HMGCLL1: variants seen among roughly 807,000 people sequenced by gnomAD.
HMGCLL1 encodes the protein 3-hydroxymethyl-3-methylglutaryl-CoA lyase, cytoplasmic.
In HMGCLL1, 36 loss-of-function variants were observed where a neutral mutation model predicts 39.1. The observed-to-expected ratio is 0.92, with a 90% CI of 0.71 to 1.22. The LOEUF is 1.22. Ranked by LOEUF, HMGCLL1 falls within the 50% of genes most tolerant of loss-of-function variation. The pLI is 0.00. For missense variants in HMGCLL1, 451 were observed against 416.5 expected, an observed-to-expected ratio of 1.08 and a Z score of -0.72; for synonymous variants, 149 against 144.0, an observed-to-expected ratio of 1.03 and a Z score of -0.25.
At chr6:55,660,581 T>A in the HMGCLL1 span, among the ~76,000 whole-genome samples, 9 of 152,106 alleles carry the variant, frequency 5.9e-5, no homozygotes, top group Non-Finnish European at 1.0e-4. Context: ...TATTCCATAG[T>A]GTATATGTAC....
At chr6:55,495,784 T>C (rs1016877074) in intron 6 of HMGCLL1, among the ~76,000 whole-genome samples, 177 bp from the exon 7 acceptor site, 6 of 152,186 alleles carry the variant, frequency 3.9e-5, no homozygotes, top group African/African-American at 9.6e-5. Flanking sequence ...CTAAACATTA[T>C]ATAAGACTTT....
At chr6:55,619,949 T>C in the HMGCLL1 span, among the ~76,000 whole-genome samples, 4 of 152,176 alleles carry the variant, frequency 2.6e-5, no homozygotes, top group African/African-American at 9.6e-5. Flanking sequence ...GGTTTGTCTT[T>C]CTGTGCCTGG....
At position 55,514,007 on chromosome 6, in the gene HMGCLL1, TA is replaced by T. The variant is rs1184406160; in HGVS notation, c.542+40del. ...ATAATTTTTGAGTAAGCTTTAACAA[TA>T]AACATTAACAAAACAGAATTTGTGG... On this transcript the variant is annotated intron_variant, in intron 5 of 8. Transcript: ENST00000274901. 8 of 1,579,434 alleles carry T rather than the reference TA, an allele frequency of 5.1e-6. No individual in the cohort carries two copies. In the Admixed American group the frequency reaches 8.8e-5, roughly 17 times the overall value.
At chr6:55,473,031 C>A (rs951008175) in intron 7 of HMGCLL1, among the ~76,000 whole-genome samples, 1 of 151,248 alleles carries the variant, frequency 6.6e-6, no homozygotes, top group Admixed American at 6.6e-5. Flanking sequence ...TTGCGAAGTC[C>A]ACTTTTTTCT....
chr6:55,594,701 T>G, the HMGCLL1 span, among the ~76,000 whole-genome samples: 14 of 152,004 alleles, frequency 9.2e-5, no homozygotes, highest in African/African-American at 3.4e-4. Flanking sequence ...TGGTATTGGG[T>G]AGTGGTGGTG....
chr6:55,618,432 A>C, the HMGCLL1 span, among the ~76,000 whole-genome samples: 2 of 152,096 alleles, frequency 1.3e-5, no homozygotes, highest in Admixed American at 1.3e-4. Flanking sequence ...AAGAAAAAAG[A>C]GAAAATAAAT....
intron 7 of HMGCLL1, among the ~76,000 whole-genome samples, chr6:55,491,074 T>A (rs963121175): frequency 2.0e-5 from 3 of 152,126 alleles, no homozygotes; most frequent in African/African-American, 7.2e-5. Context: ...AAATTCTGTA[T>A]CTCATCTCAG....
intron 7 of HMGCLL1, among the ~76,000 whole-genome samples, chr6:55,485,043 A>G (rs1438533100): frequency 1.3e-5 from 2 of 152,168 alleles, no homozygotes; most frequent in African/African-American, 4.8e-5. Flanking sequence ...AACACATGTT[A>G]GAATCTTGAC....
At chr6:55,632,541 G>T in the HMGCLL1 span, among the ~76,000 whole-genome samples, 60 of 151,810 alleles carry the variant, frequency 4.0e-4, no homozygotes, top group Non-Finnish European at 6.6e-4. Flanking sequence ...AGCAAGCCTT[G>T]TATTTTGATT....
In HMGCLL1 at chr6:55,514,109, T is replaced by C. The variant is rs951224321; in HGVS notation, c.481A>G (p.Ser161Gly). 7 of 1,613,076 alleles carry C rather than the reference T, an allele frequency of 4.3e-6. No homozygotes were observed. Among genetic ancestry groups the C allele is most frequent in the Non-Finnish European group, 5.9e-6 (7 of 1,179,520 alleles). ...KKNINCSIEESMGKFEEVVKS... is the reference protein window; with the variant it reads ...KKNINCSIEEGMGKFEEVVKS... ...ACAACCTCCTCAAATTTTCCCATAC[T>C]TTCTTCAATGGAACAGTTAATATTC... Residue 161 changes from serine to glycine, a missense_variant, in exon 5 of 9, where the codon AGT (serine) becomes GGT (glycine). Coordinates refer to ENST00000274901, the MANE Select transcript of HMGCLL1 (RefSeq NM_001042406.2).
intron 3 of HMGCLL1, among the ~76,000 whole-genome samples, chr6:55,533,580 G>C (rs1317393970): frequency 6.6e-6 from 1 of 152,046 alleles, no homozygotes; most frequent in African/African-American, 2.4e-5. Context: ...TATTCCAGAC[G>C]TGTCATAGAA....
chr6:55,545,554 A>G lies in HMGCLL1; in HGVS notation c.109-3414T>C, dbSNP rs1040529042. ...AACAAGTAATTATTGAGTACAGTCC[A>G]TATGTCATGCATTGGGCTGGGGCTG... On this transcript the variant is annotated intron_variant, in intron 1 of 8. Coordinates refer to ENST00000274901, the MANE Select transcript of HMGCLL1 (RefSeq NM_001042406.2). Among the ~76,000 whole-genome samples the G allele has an allele frequency of 1.9e-4, 29 of 152,274 alleles. 1 individual carries two copies. Among genetic ancestry groups the G allele is most frequent in the African/African-American group, 6.3e-4 (26 of 41,582 alleles).
At chr6:55,506,530 A>T (rs1767171740) in intron 5 of HMGCLL1, among the ~76,000 whole-genome samples, 1 of 151,694 alleles carries the variant, frequency 6.6e-6, no homozygotes, top group Admixed American at 6.6e-5. Flanking sequence ...TCCAGAATAA[A>T]CAATTCATAA....
At chr6:55,457,984 C>A (rs973017201) in intron 7 of HMGCLL1, among the ~76,000 whole-genome samples, 1 of 152,120 alleles carries the variant, frequency 6.6e-6, no homozygotes, top group Non-Finnish European at 1.5e-5. Context: ...ACTAGAACCA[C>A]ATATTTGGAG....
the HMGCLL1 span, among the ~76,000 whole-genome samples, chr6:55,674,353 T>C: frequency 4.6e-5 from 7 of 151,286 alleles, no homozygotes; most frequent in African/African-American, 1.7e-4. Context: ...GATATGATCA[T>C]GCCTGTGGAT....
chr6:55,586,316 G>T, the HMGCLL1 span, among the ~76,000 whole-genome samples: 1 of 152,058 alleles, frequency 6.6e-6, no homozygotes, highest in African/African-American at 2.4e-5. Flanking sequence ...TCATGATGAA[G>T]AGACAGTGCA....
At chr6:55,665,350 T>C in the HMGCLL1 span, among the ~76,000 whole-genome samples, 7 of 151,758 alleles carry the variant, frequency 4.6e-5, no homozygotes, top group African/African-American at 1.7e-4. Context: ...AGGGTGTGGC[T>C]GTAAAGTAGG....
the HMGCLL1 span, among the ~76,000 whole-genome samples, chr6:55,585,043 T>G: frequency 6.6e-6 from 1 of 152,106 alleles, no homozygotes; most frequent in African/African-American, 2.4e-5. Context: ...TGATCTAAAT[T>G]GATCAGAAGG....
chr6:55,663,219 C>A, the HMGCLL1 span, among the ~76,000 whole-genome samples: 6 of 151,086 alleles, frequency 4.0e-5, no homozygotes, highest in Non-Finnish European at 8.9e-5. Context: ...TTTTTGTTCT[C>A]TGCTAGTTTT....
Sources: allele counts gnomAD v4.1 joint callset (sites outside exome capture counted in the v4.1 genomes callset), GRCh38; gene constraint gnomAD v4.1.1; transcripts MANE v1.5; gene names NCBI Gene and HGNC (gene_info 2026-07-23, HGNC 2026-07-21).